The following SMIM36 variants were observed in gnomAD, a reference collection of about 807,000 sequenced individuals.
SMIM36 encodes small integral membrane protein 36.
chr17:55,527,400 A>T, the SMIM36 span, among the ~76,000 whole-genome samples: 1 of 152,210 alleles, frequency 6.6e-6, no homozygotes, highest in African/African-American at 2.4e-5. Context: ...AGCTTCTAGA[A>T]GTCAGAGTAC....
the SMIM36 span, among the ~76,000 whole-genome samples, chr17:55,525,581 A>T: frequency 1.3e-5 from 2 of 152,254 alleles, no homozygotes; most frequent in East Asian, 3.8e-4. Context: ...CATCTTCAAA[A>T]TAGATTTAAT....
rs183905387 is a variant in SMIM36, at chr17:55,470,541, G to C, written c.*348-3213C>G. ...AACTCCCCAACTCTGGTGCCAACTT[G>C]AACAACATCTTTTATGTGCTCCTTT... On this transcript the variant is annotated intron_variant, in intron 3 of 4. Coordinates refer to ENST00000636752, the Ensembl canonical transcript of SMIM36. 2.0e-5 allele frequency among the ~76,000 whole-genome samples: 3 copies of C among 152,188 alleles called. No individual in the cohort carries two copies. In the East Asian group the frequency reaches 5.8e-4, roughly 29 times the overall value.
intron 1 of SMIM36, among the ~76,000 whole-genome samples, chr17:55,505,335 C>T (rs1216799826): frequency 1.4e-5 from 1 of 72,540 alleles, no homozygotes; most frequent in Non-Finnish European, 2.2e-5. Context: ...CAATAAAATA[C>T]TGGCAAACCG....
chr17:55,477,900 G>A (rs184320486), intron 3 of SMIM36, among the ~76,000 whole-genome samples: 143 of 150,452 alleles, frequency 9.5e-4, no homozygotes, highest in Admixed American at 9.4e-3. Flanking sequence ...GAAGACTTTT[G>A]GAGAAATGGG....
chr17:55,450,191 G>C (rs917244121), exon 5 of SMIM36: 4 of 152,122 alleles, frequency 2.6e-5, no homozygotes, highest in African/African-American at 9.7e-5. Flanking sequence ...ACAAGCCAAG[G>C]AACTCCTGGA....
In SMIM36 at chr17:55,456,816, CA is replaced by C. The variant is rs559359958; in HGVS notation, c.*532-6519del. Among the ~76,000 whole-genome samples the C allele has an allele frequency of 3.4e-3, 525 of 152,256 alleles. 4 individuals carry two copies. The highest frequency in any genetic ancestry group is 5.7e-3 in the Non-Finnish European group (391 of 68,024). On this transcript the variant is annotated intron_variant, in intron 4 of 4. Transcript: ENST00000636752. ...TCTCTTGGGACTTAATTATAAGTTTCATTACTTTCAGGTCACCCTTGGTGTT... is the reference window on the plus strand; with the variant it reads ...TCTCTTGGGACTTAATTATAAGTTTCTTACTTTCAGGTCACCCTTGGTGTT...
intron 1 of SMIM36, among the ~76,000 whole-genome samples, chr17:55,480,750 C>T (rs1438436747): frequency 6.6e-6 from 1 of 152,160 alleles, no homozygotes; most frequent in Non-Finnish European, 1.5e-5. Flanking sequence ...AGGAGCTTGG[C>T]CTAATCCTGT....
chr17:55,465,241 G>A (rs1909216650), intron 4 of SMIM36, among the ~76,000 whole-genome samples: 1 of 152,200 alleles, frequency 6.6e-6, no homozygotes, highest in African/African-American at 2.4e-5. Context: ...TCATTTTGGA[G>A]TCAGACAGGC....
chr17:55,488,376 T>C (rs1909643543), intron 1 of SMIM36, among the ~76,000 whole-genome samples: 2 of 152,172 alleles, frequency 1.3e-5, no homozygotes, highest in South Asian at 4.1e-4. Flanking sequence ...ACACAACTAA[T>C]AGAGATTCAT....
chr17:55,512,760 A>G (rs924019331), upstream of SMIM36, among the ~76,000 whole-genome samples: 1 of 152,170 alleles, frequency 6.6e-6, no homozygotes, highest in African/African-American at 2.4e-5. Context: ...TTGGTCTCAT[A>G]TATGTATTTT....
the SMIM36 span, among the ~76,000 whole-genome samples, chr17:55,531,061 T>A: frequency 6.6e-6 from 1 of 152,218 alleles, no homozygotes; most frequent in African/African-American, 2.4e-5. Flanking sequence ...CATTTCTATC[T>A]CCTTCCAAGC....
chr17:55,498,581 C>T, intron 1 of SMIM36, among the ~76,000 whole-genome samples: 1 of 142,074 alleles, frequency 7.0e-6, no homozygotes, highest in East Asian at 2.1e-4. Context: ...AAGATTATAT[C>T]CATTTTTTTT....
At chr17:55,526,659 T>TAATG in the SMIM36 span, among the ~76,000 whole-genome samples, 1 of 152,224 alleles carries the variant, frequency 6.6e-6, no homozygotes, top group African/African-American at 2.4e-5. Flanking sequence ...AAATGGACAA[T>TAATG]AATGGCTTTT....
At position 55,508,574 on chromosome 17, in the gene SMIM36, A is replaced by T. The variant is rs1251581834; in HGVS notation, c.*174+2305T>A. On this transcript the variant is annotated intron_variant, in intron 1 of 4. Coordinates refer to ENST00000636752, the Ensembl canonical transcript of SMIM36. ...TAATATATAAAGGGTAGGTTCTTAG[A>T]AACTGCCTGTGAATTTATGGTGTTT... Among the ~76,000 whole-genome samples the T allele has an allele frequency of 6.0e-5, 9 of 151,206 alleles. No homozygotes were observed. In the East Asian group the frequency reaches 1.8e-3, roughly 29 times the overall value.
At chr17:55,508,723 GACCAGCCTGGCTA>G (rs1910128256) in intron 1 of SMIM36, among the ~76,000 whole-genome samples, 2 of 151,726 alleles carry the variant, frequency 1.3e-5, no homozygotes, top group Non-Finnish European at 2.9e-5. Flanking sequence ...GGGAGTTCGA[GACCAGCCTGGCTA>G]ACATGGTGAA....
chr17:55,469,834 C>T (rs11656380), intron 3 of SMIM36, among the ~76,000 whole-genome samples: 53,504 of 151,892 alleles, frequency 0.35, 9,798 homozygotes, highest in Middle Eastern at 0.44. Flanking sequence ...AAAAATTAGC[C>T]GGGCATGGTG....
chr17:55,476,866 C>T (rs1909435985), intron 3 of SMIM36, among the ~76,000 whole-genome samples: 1 of 152,186 alleles, frequency 6.6e-6, no homozygotes, highest in African/African-American at 2.4e-5. Context: ...CATGCCCGGC[C>T]AAGATGATCA....
the SMIM36 span, chr17:55,527,682 T>C: frequency 6.6e-6 from 1 of 152,352 alleles, no homozygotes; most frequent in Non-Finnish European, 1.5e-5. Flanking sequence ...TCCTTTTCCT[T>C]CTTGGAGAGA....
chr17:55,529,089 G>T, the SMIM36 span, among the ~76,000 whole-genome samples: 2 of 152,102 alleles, frequency 1.3e-5, no homozygotes, highest in Non-Finnish European at 2.9e-5. Flanking sequence ...GGTCTGTCTA[G>T]CACCAACTAT....
Sources: allele counts gnomAD v4.1 joint callset (sites outside exome capture counted in the v4.1 genomes callset), GRCh38; gene constraint gnomAD v4.1.1; transcripts MANE v1.5; gene names NCBI Gene and HGNC (gene_info 2026-07-23, HGNC 2026-07-21).